The following FAM204A variants were observed in gnomAD, a reference collection of about 807,000 sequenced individuals.
FAM204A encodes the protein protein FAM204A.
A neutral mutation model predicts 35.4 loss-of-function variants in FAM204A; 16 were observed. The observed-to-expected ratio is 0.45, with a 90% confidence interval of 0.31 to 0.69. The LOEUF is 0.69. Among genes scored for constraint, FAM204A ranks in the 30% least tolerant of loss-of-function variants. The pLI is 0.07. For missense variants in FAM204A, 240 were observed against 265.7 expected, an observed-to-expected ratio of 0.90 and a Z score of 0.67; for synonymous variants, 76 against 86.9, an observed-to-expected ratio of 0.88 and a Z score of 0.70.
In FAM204A at chr10:118,298,756, A is replaced by T. The variant is rs1845776469; in HGVS notation, c.*12101T>A. 2 of 152,250 alleles carry T rather than the reference A, an allele frequency of 1.3e-5. No individual in the cohort carries two copies. Among genetic ancestry groups the T allele is most frequent in the Admixed American group, 6.5e-5 (1 of 15,290 alleles). The allele number at this position is 152,250 out of a possible 1,614,324, so 9.4% of individuals were successfully genotyped here. A position where few individuals can be genotyped will look rare whatever the true frequency, so the allele number is the denominator to read the frequency against. ...ATGAAATGTCTGGGGAAGAGGTTTC[A>T]GTCAACTGTCACTATCTTCGGCATC... is the stretch of plus-strand genomic sequence containing the variant. On this transcript the variant is annotated 3_prime_UTR_variant, in exon 9 of 9. Transcript: ENST00000369183.
rs770717275 is a variant in FAM204A at position 118,336,177 on chromosome 10, C to T, written c.234+5G>A. 1 of 1,611,936 alleles carries T rather than the reference C, an allele frequency of 6.2e-7. No homozygotes were observed. The highest frequency in any genetic ancestry group is 8.5e-7 in the Non-Finnish European group (1 of 1,178,972). ...TGTAGCAAGAGCATTTCAGAGAAAACCTACATTCCACATATCTATGGGAAT... is the reference window on the plus strand; with the variant it reads ...TGTAGCAAGAGCATTTCAGAGAAAATCTACATTCCACATATCTATGGGAAT... On this transcript the variant is annotated splice_donor_5th_base_variant and intron_variant, in intron 3 of 8. Transcript: ENST00000369183.
rs958676946 is a variant in FAM204A at position 118,307,715 on chromosome 10, C to T, written c.*3142G>A. 1.3e-5 allele frequency: 2 copies of T among 152,260 alleles called. No homozygotes were observed. Among genetic ancestry groups the T allele is most frequent in the African/African-American group, 2.4e-5 (1 of 41,552 alleles). The allele number at this position is 152,260 out of a possible 1,614,324, so 9.4% of individuals were successfully genotyped here. ...TCATTTTTTGTGAATTAAATTCAAA[C>T]TTGTCTTATTAAAGTTATTAATAAG... On this transcript the variant is annotated 3_prime_UTR_variant, in exon 9 of 9. Coordinates refer to ENST00000369183, the MANE Select transcript of FAM204A (RefSeq NM_022063.3).
chr10:118,322,298 A>G (rs1846130358), intron 7 of FAM204A: 2 of 455,624 alleles, frequency 4.4e-6, no homozygotes, highest in East Asian at 7.0e-5. Flanking sequence ...AAATCTGGAG[A>G]CACTACCTGA....
At position 118,310,644 on chromosome 10, in the gene FAM204A, TCTTATAC is replaced by T. The variant is rs1267837569; in HGVS notation, c.*206_*212del. The T allele has an allele frequency of 5.8e-6, 3 of 519,552 alleles. No individual in the cohort carries two copies. In the African/African-American group the frequency reaches 6.0e-5, roughly 10 times the overall value. The allele number at this position is 519,552 out of a possible 1,614,324, so 32.2% of individuals were successfully genotyped here. ...CTTTCTATATTTTTTTTCTTACATT[TCTTATAC>T]AAATAACAGAATGCTTCATTTTATT... is the stretch of plus-strand genomic sequence containing the variant. On this transcript the variant is annotated 3_prime_UTR_variant, in exon 9 of 9. Coordinates refer to ENST00000369183, the MANE Select transcript of FAM204A (RefSeq NM_022063.3).
At chr10:118,330,220 C>T (rs1332974916) in intron 6 of FAM204A, among the ~76,000 whole-genome samples, 1 of 152,140 alleles carries the variant, frequency 6.6e-6, no homozygotes, top group African/African-American at 2.4e-5. Context: ...TTGTATAAAA[C>T]ATTAATATCA....
chr10:118,334,325 C>T (rs528738217), intron 6 of FAM204A, among the ~76,000 whole-genome samples: 1 of 152,290 alleles, frequency 6.6e-6, no homozygotes, highest in South Asian at 2.1e-4. Context: ...CTCTCCCCTT[C>T]CATACGCCCC....
At position 118,298,283 on chromosome 10, in the gene FAM204A, T is replaced by C. The variant is rs1347632353; in HGVS notation, c.*12574A>G. The C allele has an allele frequency of 6.6e-6, 1 of 152,224 alleles. No homozygotes were observed. The highest frequency in any genetic ancestry group is 6.5e-5 in the Admixed American group (1 of 15,288). The allele number at this position is 152,224 out of a possible 1,614,324, so 9.4% of individuals were successfully genotyped here. A position where few individuals can be genotyped will look rare whatever the true frequency, so the allele number is the denominator to read the frequency against. On this transcript the variant is annotated 3_prime_UTR_variant, in exon 9 of 9. Coordinates refer to ENST00000369183, the MANE Select transcript of FAM204A (RefSeq NM_022063.3). The stretch of plus-strand genomic sequence containing the variant: ...TATTTAAAAAGATAGGTTGTGTGCA[T>C]GGTACATGACAGGCTAGCAGTAACT...
chr10:118,299,600 T>C lies in FAM204A; in HGVS notation c.*11257A>G, dbSNP rs1359147994. ...GTCCTGCTGTTGCTCAGGCTAGTCTTGAACTCCTAGGCTCAAGCAGCTCTC... is the reference window on the plus strand; with the variant it reads ...GTCCTGCTGTTGCTCAGGCTAGTCTCGAACTCCTAGGCTCAAGCAGCTCTC... On this transcript the variant is annotated 3_prime_UTR_variant, in exon 9 of 9. Transcript: ENST00000369183. 2 of 152,076 alleles carry C rather than the reference T, an allele frequency of 1.3e-5. No homozygotes were observed. The highest frequency in any genetic ancestry group is 2.9e-5 in the Non-Finnish European group (2 of 68,078). 9.4% of individuals were successfully genotyped at this position (152,076 alleles called of 1,614,324 possible).
At position 118,305,466 on chromosome 10, in the gene FAM204A, A is replaced by C. The variant is rs1845852818; in HGVS notation, c.*5391T>G. ...TCCAGGGGAGACAGTCAGGGCATCA[A>C]TCCCACCCACTCTGATGTGAGCAAG... On this transcript the variant is annotated 3_prime_UTR_variant, in exon 9 of 9. Transcript: ENST00000369183. The C allele has an allele frequency of 6.6e-6, 1 of 152,222 alleles. No homozygotes were observed. The highest frequency in any genetic ancestry group is 2.1e-4 in the South Asian group (1 of 4,834). 9.4% of individuals were successfully genotyped at this position (152,222 alleles called of 1,614,324 possible).
At chr10:118,316,720 G>A (rs1000278370) in intron 7 of FAM204A, among the ~76,000 whole-genome samples, 2 of 151,924 alleles carry the variant, frequency 1.3e-5, no homozygotes, top group African/African-American at 4.8e-5. Context: ...TCTTTTATAT[G>A]TGTATATCCA....
chr10:118,304,780 A>G lies in FAM204A; in HGVS notation c.*6077T>C, dbSNP rs1407098084. 6.6e-6 allele frequency: 1 copy of G among 152,264 alleles called. No individual in the cohort carries two copies. Among genetic ancestry groups the G allele is most frequent in the East Asian group, 1.9e-4 (1 of 5,198 alleles). The allele number at this position is 152,264 out of a possible 1,614,324, so 9.4% of individuals were successfully genotyped here. ...GTAATATGAACAGCTACTTTGACTC[A>G]GCTCTGTCAACACACCCAAGTAAAA... is the stretch of plus-strand genomic sequence containing the variant. On this transcript the variant is annotated 3_prime_UTR_variant, in exon 9 of 9. Transcript: ENST00000369183.
At chr10:118,325,823 T>G (rs1371459273) in intron 7 of FAM204A, among the ~76,000 whole-genome samples, 1 of 152,088 alleles carries the variant, frequency 6.6e-6, no homozygotes, top group Non-Finnish European at 1.5e-5. Flanking sequence ...GCCCTCAGAG[T>G]TCAAATGAGT....
chr10:118,324,271 C>CA (rs1406136279), intron 7 of FAM204A, among the ~76,000 whole-genome samples: 1 of 151,962 alleles, frequency 6.6e-6, no homozygotes, highest in Non-Finnish European at 1.5e-5. Context: ...AGAAAAAAAA[C>CA]AAACAGTAAA....
At chr10:118,311,347 A>G (rs1845949726) in intron 7 of FAM204A, 34 bp from the exon 8 acceptor site, 2 of 1,508,284 alleles carry the variant, frequency 1.3e-6, no homozygotes, top group Non-Finnish European at 1.8e-6. Flanking sequence ...AAAAGTGAAA[A>G]TAAATATTCC....
At chr10:118,321,860 G>C (rs1462011739) in intron 7 of FAM204A, among the ~76,000 whole-genome samples, 1 of 151,996 alleles carries the variant, frequency 6.6e-6, no homozygotes, top group Non-Finnish European at 1.5e-5. Context: ...GTAGTGAATA[G>C]TAGCGAGGTA....
intron 3 of FAM204A, 140 bp downstream of exon 3, chr10:118,336,042 G>A: frequency 1.0e-6 from 1 of 970,666 alleles, no homozygotes; most frequent in Non-Finnish European, 1.5e-6. Flanking sequence ...CGATGCCTCA[G>A]AGAACAGTAA....
intron 3 of FAM204A, 101 bp from the exon 4 acceptor site, chr10:118,335,742 TAA>T: frequency 4.5e-6 from 4 of 883,148 alleles, no homozygotes; most frequent in Non-Finnish European, 6.8e-6. Flanking sequence ...TCAGCGTGTA[TAA>T]AGATACCAAT....
Position 118,307,656 on chromosome 10 carries a change from TAAC to T in FAM204A, c.*3198_*3200del, listed in dbSNP as rs1220556307. The T allele has an allele frequency of 6.6e-6, 1 of 152,246 alleles. No individual in the cohort carries two copies. Among genetic ancestry groups the T allele is most frequent in the Non-Finnish European group, 1.5e-5 (1 of 68,032 alleles). 9.4% of individuals were successfully genotyped at this position (152,246 alleles called of 1,614,324 possible). ...ACACATTTCTTAAAAAGTAATGTCTTAACAAAAATTTGGACATTTTATAAATTA... is the reference window on the plus strand; with the variant it reads ...ACACATTTCTTAAAAAGTAATGTCTTAAAAATTTGGACATTTTATAAATTA... On this transcript the variant is annotated 3_prime_UTR_variant, in exon 9 of 9. Transcript: ENST00000369183.
chr10:118,341,068 A>T (rs1846471839), intron 2 of FAM204A, among the ~76,000 whole-genome samples: 1 of 152,214 alleles, frequency 6.6e-6, no homozygotes, highest in Admixed American at 6.5e-5. Context: ...GCAAGATGCT[A>T]TACTAAGTTG....
Sources: allele counts gnomAD v4.1 joint callset (sites outside exome capture counted in the v4.1 genomes callset), GRCh38; gene constraint gnomAD v4.1.1; transcripts MANE v1.5; gene names NCBI Gene and HGNC (gene_info 2026-07-23, HGNC 2026-07-21).